The following ANKFN1 variants were observed in gnomAD, a reference collection of about 807,000 sequenced individuals.
ANKFN1 encodes ankyrin repeat and fibronectin type III domain containing 1.
Under a neutral mutation model 108.7 loss-of-function variants are expected in ANKFN1, and 74 were observed. The observed-to-expected ratio is 0.68, with a 90% CI of 0.56 to 0.83. The LOEUF (loss-of-function observed/expected upper bound fraction) is 0.83. ANKFN1 is among the 40% of genes least tolerant of loss of function. ANKFN1 has a pLI of 0.00. For missense variants in ANKFN1, 1,505 were observed against 1,382.3 expected, an observed-to-expected ratio of 1.09 and a Z score of -1.41; for synonymous variants, 547 against 516.2, an observed-to-expected ratio of 1.06 and a Z score of -0.81.
At chr17:56,397,180 A>T (rs1275766409) in intron 8 of ANKFN1, among the ~76,000 whole-genome samples, 2 of 152,224 alleles carry the variant, frequency 1.3e-5, no homozygotes, top group African/African-American at 2.4e-5. Flanking sequence ...ATGAAGATCC[A>T]TCACCCCCAA....
chr17:56,394,610 T>C (rs2047526614), intron 8 of ANKFN1, among the ~76,000 whole-genome samples: 1 of 151,960 alleles, frequency 6.6e-6, no homozygotes, highest in Non-Finnish European at 1.5e-5. Flanking sequence ...ACAAATGGCA[T>C]CACTTATCCC....
chr17:56,358,739 T>TA (rs1406981085), intron 6 of ANKFN1, among the ~76,000 whole-genome samples: 2 of 152,182 alleles, frequency 1.3e-5, no homozygotes, highest in Non-Finnish European at 2.9e-5. Context: ...AAAGCCAATG[T>TA]ATAGAGGCAC....
At chr17:56,258,280 G>A (rs1442582937) in intron 3 of ANKFN1, 7 of 152,100 alleles carry the variant, frequency 4.6e-5, no homozygotes, top group Admixed American at 6.5e-5. Flanking sequence ...AGAAATGTTC[G>A]CCCTCTACTC....
At chr17:56,087,841 G>A (rs1905344733) in intron 4 of ANKFN1, among the ~76,000 whole-genome samples, 1 of 151,378 alleles carries the variant, frequency 6.6e-6, no homozygotes, top group African/African-American at 2.4e-5. Context: ...GGGTTAAGTA[G>A]TCACAACAGA....
intron 2 of ANKFN1, among the ~76,000 whole-genome samples, chr17:56,218,647 C>CA (rs1346419636): frequency 2.6e-5 from 4 of 152,188 alleles, no homozygotes; most frequent in Admixed American, 2.6e-4. Context: ...CCATGAACAT[C>CA]ACTGCTCTGG....
intron 8 of ANKFN1, among the ~76,000 whole-genome samples, chr17:56,428,470 T>C (rs1208529794): frequency 6.6e-6 from 1 of 150,842 alleles, no homozygotes; most frequent in East Asian, 1.9e-4. Flanking sequence ...TTCTTTTTTT[T>C]TTTTTTTTGA....
At chr17:56,259,094 G>T (rs975548211) in intron 3 of ANKFN1, among the ~76,000 whole-genome samples, 2 of 152,200 alleles carry the variant, frequency 1.3e-5, no homozygotes, top group African/African-American at 4.8e-5. Flanking sequence ...CAGCTCTGTC[G>T]TATAGGTACT....
intron 4 of ANKFN1, among the ~76,000 whole-genome samples, chr17:56,093,636 T>C (rs1178975219): frequency 6.6e-6 from 1 of 151,420 alleles, no homozygotes; most frequent in Admixed American, 6.6e-5. Context: ...GCCTTCTGAT[T>C]TCAGATGATC....
rs192522181 is a variant in ANKFN1 at position 56,211,897 on chromosome 17, G to A, written c.-70-701G>A. On this transcript the variant is annotated intron_variant, in intron 1 of 20. Coordinates refer to ENST00000682825, the MANE Select transcript of ANKFN1 (RefSeq NM_001370326.1). ...GGGTTGAGTTCTTGATTTGATTCTC[G>A]GCTTGGTCGCTCTTGGTGTATAGCA... 2.6e-5 allele frequency among the ~76,000 whole-genome samples: 4 copies of A among 151,868 alleles called. No individual in the cohort carries two copies. In the East Asian group the frequency reaches 5.8e-4, roughly 22 times the overall value.
chr17:56,244,581 T>G (rs559516194), intron 3 of ANKFN1, among the ~76,000 whole-genome samples: 2 of 152,248 alleles, frequency 1.3e-5, no homozygotes, highest in Non-Finnish European at 2.9e-5. Flanking sequence ...CATCTTTATG[T>G]TTTTTGGATT....
intron 4 of ANKFN1, among the ~76,000 whole-genome samples, chr17:56,049,826 A>G (rs1904743458): frequency 1.3e-5 from 2 of 149,028 alleles, no homozygotes; most frequent in Admixed American, 1.3e-4. Flanking sequence ...AGTCTTTGCT[A>G]TTGTGAATAA....
At chr17:56,270,831 A>G (rs1210969290) in intron 3 of ANKFN1, among the ~76,000 whole-genome samples, 3 of 152,110 alleles carry the variant, frequency 2.0e-5, no homozygotes, top group Non-Finnish European at 2.9e-5. Context: ...TCCTGCAGTC[A>G]TATGGCTGCC....
chr17:56,132,107 T>A (rs190996644), intron 4 of ANKFN1, among the ~76,000 whole-genome samples: 12 of 152,346 alleles, frequency 7.9e-5, no homozygotes, highest in Non-Finnish European at 1.8e-4. Flanking sequence ...GATTTCTTTT[T>A]AATTTGAATC....
Position 56,463,170 on chromosome 17 carries a change from T to C in ANKFN1, c.1558-3186T>C, listed in dbSNP as rs183369698. Among the ~76,000 whole-genome samples the C allele has an allele frequency of 2.0e-4, 30 of 152,366 alleles. 1 individual carries two copies. The East Asian group carries it at 4.4e-3, about 22-fold the overall frequency. ...GTGCCAGGCACTGTGTTGAGTGCTT[T>C]ACAAACTTTACTGTCATTTAATCTT... On this transcript the variant is annotated intron_variant, in intron 14 of 20. Transcript: ENST00000682825.
chr17:56,395,264 G>T (rs1399888169), intron 8 of ANKFN1, among the ~76,000 whole-genome samples: 1 of 152,124 alleles, frequency 6.6e-6, no homozygotes, highest in Non-Finnish European at 1.5e-5. Flanking sequence ...TAACAACATT[G>T]GGCCAGTCTT....
intron 4 of ANKFN1, among the ~76,000 whole-genome samples, chr17:56,130,562 A>C (rs954792252): frequency 6.6e-6 from 1 of 151,888 alleles, no homozygotes. Flanking sequence ...CTAGATCAGC[A>C]GTGATGAATG....
intron 18 of ANKFN1, among the ~76,000 whole-genome samples, chr17:56,491,905 C>T (rs375585357): frequency 6.6e-6 from 1 of 152,272 alleles, no homozygotes; most frequent in East Asian, 1.9e-4. Flanking sequence ...CACACTCAAT[C>T]AGCCCCAACT....
chr17:56,245,939 G>A (rs1051690231), intron 3 of ANKFN1: 3 of 152,072 alleles, frequency 2.0e-5, no homozygotes, highest in Admixed American at 6.6e-5. Context: ...CTACCAAAAG[G>A]TCAAAGAGAA....
At chr17:56,133,189 T>C (rs527296539) in intron 4 of ANKFN1, among the ~76,000 whole-genome samples, 42 of 152,310 alleles carry the variant, frequency 2.8e-4, no homozygotes, top group Non-Finnish European at 6.0e-4. Flanking sequence ...ATTAGGTGTA[T>C]ATATCCTTGA....
Sources: allele counts gnomAD v4.1 joint callset (sites outside exome capture counted in the v4.1 genomes callset), GRCh38; gene constraint gnomAD v4.1.1; transcripts MANE v1.5; gene names NCBI Gene and HGNC (gene_info 2026-07-23, HGNC 2026-07-21).